The following ASTN2 variants were observed in gnomAD, a reference collection of about 807,000 sequenced individuals.
The protein encoded by ASTN2 is astrotactin-2.
A neutral mutation model predicts 139.8 loss-of-function variants in ASTN2; 54 were observed. That is an observed-to-expected ratio of 0.39 (90% CI 0.31 to 0.48). The LOEUF (loss-of-function observed/expected upper bound fraction) is 0.48. Ranked by LOEUF, ASTN2 falls within the 20% of genes least tolerant of loss-of-function variation. ASTN2 has a pLI of 0.95. For synonymous variants in ASTN2, 756 were observed against 719.5 expected, an observed-to-expected ratio of 1.05 and a Z score of -0.81; for missense variants, 1,565 against 1,725.1, an observed-to-expected ratio of 0.91 and a Z score of 1.64.
intron 11 of ASTN2, 127 bp from the exon 12 acceptor site, chr9:116,820,910 C>A: frequency 1.0e-6 from 1 of 997,414 alleles, no homozygotes; most frequent in Non-Finnish European, 1.4e-6. Flanking sequence ...CTCCTTTTGT[C>A]AGTTAATAAC....
intron 1 of ASTN2, among the ~76,000 whole-genome samples, chr9:117,383,202 C>T (rs377677913): frequency 6.6e-6 from 1 of 152,148 alleles, no homozygotes; most frequent in South Asian, 2.1e-4. Context: ...AATGTAAACA[C>T]CATTCTTTGC....
At chr9:117,343,833 T>C (rs1266956223) in intron 1 of ASTN2, among the ~76,000 whole-genome samples, 1 of 152,048 alleles carries the variant, frequency 6.6e-6, no homozygotes, top group African/African-American at 2.4e-5. Context: ...CTCCTGCACC[T>C]GGCACAATCC....
At chr9:117,342,465 C>T (rs941405097) in intron 1 of ASTN2, among the ~76,000 whole-genome samples, 1 of 152,108 alleles carries the variant, frequency 6.6e-6, no homozygotes, top group Non-Finnish European at 1.5e-5. Context: ...TCGGAGTTTC[C>T]CAAAGTGAGT....
chr9:117,054,974 G>C (rs528792012), intron 5 of ASTN2, among the ~76,000 whole-genome samples: 2 of 152,302 alleles, frequency 1.3e-5, no homozygotes, highest in East Asian at 3.9e-4. Context: ...GGTTACAATA[G>C]GGTTGGTGCT....
At chr9:116,546,606 T>C (rs1852104204) in intron 19 of ASTN2, 1 of 152,250 alleles carries the variant, frequency 6.6e-6, no homozygotes, top group African/African-American at 2.4e-5. Flanking sequence ...TTGGCATTTA[T>C]GGAGCATACA....
chr9:116,496,046 A>C (rs1422872924), intron 19 of ASTN2, among the ~76,000 whole-genome samples: 1 of 151,832 alleles, frequency 6.6e-6, no homozygotes, highest in African/African-American at 2.4e-5. Flanking sequence ...TCCTTTCCCA[A>C]ATCCTTGCTC....
Position 116,698,885 on chromosome 9 carries a change from T to G in ASTN2, c.2806+26886A>C, listed in dbSNP as rs1861027670. ...TTCCAGTCAGTCTCTACGTGACCAG[T>G]CAAGGTGAAGTACTAGTCGCTGACC... On this transcript the variant is annotated intron_variant, in intron 16 of 22. Transcript: ENST00000313400. This position sits in a 1 kb window ranked among gnomAD's most constrained non-coding sequence, Gnocchi z 4.4. 1.9e-6 allele frequency: 3 copies of G among 1,614,200 alleles called. No individual in the cohort carries two copies. Among genetic ancestry groups the G allele is most frequent in the South Asian group, 2.2e-5 (2 of 91,068 alleles).
chr9:116,853,855 A>C (rs1457018952), intron 11 of ASTN2, among the ~76,000 whole-genome samples: 1 of 152,206 alleles, frequency 6.6e-6, no homozygotes, highest in Non-Finnish European at 1.5e-5. Flanking sequence ...AAACAGCTCA[A>C]AACACAGAAG....
chr9:116,616,554 T>C (rs1197632565), intron 19 of ASTN2, among the ~76,000 whole-genome samples: 1 of 152,220 alleles, frequency 6.6e-6, no homozygotes, highest in African/African-American at 2.4e-5. Flanking sequence ...GTCTTTGGGA[T>C]TTACTTACTT....
At chr9:116,442,363 G>T in intron 21 of ASTN2, 90 bp downstream of exon 21, 1 of 976,006 alleles carries the variant, frequency 1.0e-6, no homozygotes, top group Non-Finnish European at 1.7e-6. Flanking sequence ...CAGGGTGTGC[G>T]TGTGTGTGTT....
intron 1 of ASTN2, among the ~76,000 whole-genome samples, chr9:117,323,990 T>C (rs1828426706): frequency 6.6e-6 from 1 of 152,088 alleles, no homozygotes; most frequent in Non-Finnish European, 1.5e-5. Context: ...AAATAAGACA[T>C]ATGTAGTCAG....
At chr9:117,128,932 G>A (rs4240488) in intron 4 of ASTN2, among the ~76,000 whole-genome samples, 150,983 of 152,266 alleles carry the variant, frequency 0.99, 74,870 homozygotes, top group East Asian at 1. Flanking sequence ...AGACTTATTC[G>A]CTCCCATGAG....
chr9:117,097,143 G>T (rs1192845188), intron 4 of ASTN2, among the ~76,000 whole-genome samples: 3 of 152,218 alleles, frequency 2.0e-5, no homozygotes, highest in African/African-American at 7.2e-5. Flanking sequence ...GGTGAATGGA[G>T]GTCAGGGCTT....
chr9:116,788,949 G>A (rs1332167963), intron 13 of ASTN2, among the ~76,000 whole-genome samples: 1 of 152,154 alleles, frequency 6.6e-6, no homozygotes, highest in Non-Finnish European at 1.5e-5. Flanking sequence ...ATTGGCTGGA[G>A]CACAAAGCTG....
At chr9:117,237,642 G>A (rs116589307) in intron 2 of ASTN2, among the ~76,000 whole-genome samples, 118 of 152,148 alleles carry the variant, frequency 7.8e-4, no homozygotes, top group African/African-American at 2.7e-3. Flanking sequence ...ATCACGCCCC[G>A]CTAATTTTTT....
chr9:116,798,696 A>T (rs1405510617), intron 13 of ASTN2, among the ~76,000 whole-genome samples: 1 of 152,192 alleles, frequency 6.6e-6, no homozygotes, highest in African/African-American at 2.4e-5. Flanking sequence ...CCAGAAATAG[A>T]AGCAGAATTT....
chr9:116,897,894 A>G (rs1419926036), intron 10 of ASTN2, among the ~76,000 whole-genome samples: 1 of 152,194 alleles, frequency 6.6e-6, no homozygotes, highest in Non-Finnish European at 1.5e-5. Flanking sequence ...TCCAAAAATC[A>G]CATTTATATG....
At chr9:116,632,130 G>A (rs1457720674) in intron 17 of ASTN2, among the ~76,000 whole-genome samples, 9 of 10,502 alleles carry the variant, frequency 8.6e-4, no homozygotes, top group African/African-American at 3.5e-3. Context: ...AGAAAAAGAA[G>A]AGAGAGAGAG....
chr9:116,783,150 C>T (rs1011222316), intron 13 of ASTN2, among the ~76,000 whole-genome samples: 2 of 152,142 alleles, frequency 1.3e-5, no homozygotes, highest in Admixed American at 6.5e-5. Context: ...GTCTCTATCA[C>T]CTCGAACAGT....
Sources: allele counts gnomAD v4.1 joint callset (sites outside exome capture counted in the v4.1 genomes callset), GRCh38; gene constraint gnomAD v4.1.1; non-coding constraint Gnocchi (gnomAD v3.1); transcripts MANE v1.5; gene names NCBI Gene and HGNC (gene_info 2026-07-23, HGNC 2026-07-21).